DHCR24: variants seen among roughly 807,000 people sequenced by gnomAD.
DHCR24 encodes the protein 24-dehydrocholesterol reductase.
A neutral mutation model predicts 61.2 loss-of-function variants in DHCR24; 28 were observed. The observed-to-expected ratio is 0.46, with a 90% CI of 0.34 to 0.63. The LOEUF (loss-of-function observed/expected upper bound fraction) is 0.63. DHCR24 is among the 20% of genes least tolerant of loss of function. DHCR24 has a pLI of 0.01. For synonymous variants in DHCR24, 261 were observed against 275.9 expected, an observed-to-expected ratio of 0.95 and a Z score of 0.54; for missense variants, 538 against 679.1, an observed-to-expected ratio of 0.79 and a Z score of 2.31.
At chr1:54,886,854 G>C (rs1647101491) in intron 1 of DHCR24, 35 bp downstream of exon 1, 1 of 1,590,654 alleles carries the variant, frequency 6.3e-7, no homozygotes, top group East Asian at 2.3e-5. Flanking sequence ...CGCCGCCTCC[G>C]GCCCTGAGTC....
intron 6 of DHCR24, among the ~76,000 whole-genome samples, chr1:54,863,828 C>T (rs4927173): frequency 0.97 from 148,255 of 152,328 alleles, 72,272 homozygotes; most frequent in Middle Eastern, 1. Context: ...ATCCAGAATA[C>T]ACAAAGAACT....
At chr1:54,853,185 G>GC (rs942793708) in intron 8 of DHCR24, among the ~76,000 whole-genome samples, 2 of 151,882 alleles carry the variant, frequency 1.3e-5, no homozygotes, top group Non-Finnish European at 2.9e-5. Flanking sequence ...GGGGCTGCTG[G>GC]GGGGGTGTGA....
chr1:54,868,895 C>T (rs615203), intron 5 of DHCR24, among the ~76,000 whole-genome samples: 3,998 of 152,136 alleles, frequency 0.026, 173 homozygotes, highest in East Asian at 0.081. Flanking sequence ...GGCGAAACCC[C>T]GTCTCTACTA....
Position 54,853,551 on chromosome 1 carries a change from T to C in DHCR24, c.1280A>G (p.Lys427Arg), listed in dbSNP as rs1646889965. Residue 427 changes from lysine (K) to arginine (R), a missense_variant, in exon 8 of 9, where the codon AAA (lysine) becomes AGA (arginine). Lys to Arg is a conservative substitution (Grantham distance 26, BLOSUM62 2). Transcript: ENST00000371269. ...GATGTAGAGCTCTGCCTCATTTCCTTTGGGGTGCACTAGGCCTGGCTGGCT... is the reference window on the plus strand; with the variant it reads ...GATGTAGAGCTCTGCCTCATTTCCTCTGGGGTGCACTAGGCCTGGCTGGCT... Reference protein sequence around the residue: ...LPSQPGLVHPKGNEAELYIDI... With the variant: ...LPSQPGLVHPRGNEAELYIDI... The C allele has an allele frequency of 6.2e-7, 1 of 1,614,098 alleles. No homozygotes were observed.
intron 1 of DHCR24, among the ~76,000 whole-genome samples, chr1:54,886,147 C>G (rs976774836): frequency 9.9e-5 from 15 of 152,134 alleles, no homozygotes; most frequent in Non-Finnish European, 1.3e-4. Flanking sequence ...CAGAGGGAGT[C>G]AAGAAACTGC....
intron 3 of DHCR24, 72 bp downstream of exon 3, chr1:54,875,870 G>A (rs770199978): frequency 7.4e-6 from 9 of 1,211,490 alleles, no homozygotes; most frequent in Non-Finnish European, 1.1e-5. Flanking sequence ...CTAGATGGAG[G>A]GTGGCCAAGG....
At chr1:54,868,896 G>T (rs979554788) in intron 5 of DHCR24, among the ~76,000 whole-genome samples, 4 of 152,054 alleles carry the variant, frequency 2.6e-5, no homozygotes, top group African/African-American at 7.3e-5. Context: ...GCGAAACCCC[G>T]TCTCTACTAA....
intron 1 of DHCR24, among the ~76,000 whole-genome samples, chr1:54,884,872 G>T (rs888866175): frequency 6.6e-6 from 1 of 152,170 alleles, no homozygotes; most frequent in Admixed American, 6.5e-5. Flanking sequence ...GCCTCTGCAG[G>T]GAGAGAGGCT....
At chr1:54,885,108 G>A (rs981499625) in intron 1 of DHCR24, among the ~76,000 whole-genome samples, 1 of 152,220 alleles carries the variant, frequency 6.6e-6, no homozygotes, top group Non-Finnish European at 1.5e-5. Flanking sequence ...CAGGTCTCCT[G>A]GAGAAGGCTG....
At chr1:54,872,278 T>C (rs1004601242) in intron 4 of DHCR24, among the ~76,000 whole-genome samples, 1 of 152,234 alleles carries the variant, frequency 6.6e-6, no homozygotes, top group Non-Finnish European at 1.5e-5. Flanking sequence ...TCTGCTTCCA[T>C]AAATCAATGT....
Position 54,886,827 on chromosome 1 carries a change from C to A in DHCR24, c.231+62G>T, listed in dbSNP as rs572765087. On this transcript the variant is annotated intron_variant, in intron 1 of 8. Coordinates refer to ENST00000371269, the MANE Select transcript of DHCR24 (RefSeq NM_014762.4). ...CGCAGCTCCCGTCGCCACCTCGCGT[C>A]CCGCTATCCCCGCGCACGCCGCCTC... The A allele has an allele frequency of 7.6e-4, 1,206 of 1,582,098 alleles. 6 individuals carry two copies. In the African/African-American group the frequency reaches 0.011, roughly 14 times the overall value.
intron 1 of DHCR24, among the ~76,000 whole-genome samples, chr1:54,884,146 T>C (rs534430576): frequency 6.6e-6 from 1 of 152,370 alleles, no homozygotes; most frequent in East Asian, 1.9e-4. Context: ...GCACACTGTC[T>C]TGTGTAATTC....
intron 5 of DHCR24, 129 bp downstream of exon 5, chr1:54,871,221 C>A: frequency 9.6e-7 from 1 of 1,041,400 alleles, no homozygotes; most frequent in Non-Finnish European, 1.4e-6. Context: ...TGCCTGTACC[C>A]CAGGTGGGTT....
At chr1:54,879,365 T>A (rs1647053374) in intron 2 of DHCR24, among the ~76,000 whole-genome samples, 1 of 130,828 alleles carries the variant, frequency 7.6e-6, no homozygotes, top group African/African-American at 3.0e-5. Context: ...CAAATCAAAC[T>A]TCTGGAAATG....
intron 6 of DHCR24, among the ~76,000 whole-genome samples, chr1:54,858,635 TTTTA>T (rs1553120383): frequency 1.3e-5 from 2 of 152,126 alleles, no homozygotes; most frequent in Non-Finnish European, 1.5e-5. Context: ...TTATTTTTAT[TTTTA>T]TTTATTTATT....
rs527305604 is a variant in DHCR24, at chr1:54,864,288, G to T, written c.1020+1015C>A. ...CAGCACTGTTCACAGTAGCCAAAAGGTTGAAACAACCCACATGTCCATCAA... is the reference window on the plus strand; with the variant it reads ...CAGCACTGTTCACAGTAGCCAAAAGTTTGAAACAACCCACATGTCCATCAA... On this transcript the variant is annotated intron_variant, in intron 6 of 8. Transcript: ENST00000371269. Among the ~76,000 whole-genome samples the T allele has an allele frequency of 1.1e-4, 17 of 152,238 alleles. No homozygotes were observed. In the South Asian group the frequency reaches 3.5e-3, roughly 32 times the overall value.
At chr1:54,873,050 C>T (rs191683874) in intron 4 of DHCR24, among the ~76,000 whole-genome samples, 110 of 152,328 alleles carry the variant, frequency 7.2e-4, no homozygotes, top group Non-Finnish European at 1.2e-3. Context: ...TTAGGTAAAA[C>T]GCTTTAAATG....
Position 54,881,375 on chromosome 1 carries a change from A to T in DHCR24, c.387+2243T>A, listed in dbSNP as rs72675606. Among the ~76,000 whole-genome samples the T allele has an allele frequency of 1.4e-3, 216 of 152,340 alleles. 1 individual carries two copies. The highest frequency in any genetic ancestry group is 3.4e-3 in the Middle Eastern group (1 of 294). On this transcript the variant is annotated intron_variant, in intron 2 of 8. Coordinates refer to ENST00000371269, the MANE Select transcript of DHCR24 (RefSeq NM_014762.4). ...TTCAAAAGACAAGCATGTGGCCAAG[A>T]AGCATATGAAAAAAAGCTCAACATT...
intron 5 of DHCR24, among the ~76,000 whole-genome samples, chr1:54,866,598 G>T (rs975615640): frequency 6.6e-6 from 1 of 152,224 alleles, no homozygotes; most frequent in Non-Finnish European, 1.5e-5. Flanking sequence ...TGTAGAAAGT[G>T]CCAAGCACGG....
Sources: allele counts gnomAD v4.1 joint callset (sites outside exome capture counted in the v4.1 genomes callset), GRCh38; gene constraint gnomAD v4.1.1; transcripts MANE v1.5; gene names NCBI Gene and HGNC (gene_info 2026-07-23, HGNC 2026-07-21).